TRPM3: variants seen among roughly 807,000 people sequenced by gnomAD.
TRPM3 encodes the protein long transient receptor potential channel 3.
In TRPM3, 77 loss-of-function variants were observed where a neutral mutation model predicts 181.2. The ratio of observed to expected loss-of-function variants is 0.42; its 90% CI spans 0.35 to 0.51. The LOEUF is 0.51. Among genes scored for constraint, TRPM3 ranks in the 20% least tolerant of loss-of-function variants. TRPM3 has a pLI of 0.01. For missense variants in TRPM3, 1,759 were observed against 2,196.7 expected (o/e 0.80, Z 3.98); for synonymous variants, 745 against 796.4 (o/e 0.94, Z 1.09).
In TRPM3 at chr9:70,758,445, A is replaced by G. The variant is rs148726093; in HGVS notation, c.1272+3156T>C. 2.7e-3 allele frequency among the ~76,000 whole-genome samples: 411 copies of G among 152,340 alleles called. 1 individual carries two copies. Among genetic ancestry groups the G allele is most frequent in the African/African-American group, 9.3e-3 (388 of 41,586 alleles). On this transcript the variant is annotated intron_variant, in intron 8 of 25. Transcript: ENST00000677713. ...GATTTAATGCTATCCCCATCAAGCT[A>G]CCATTGACTTTCTTCACAGAATTAG...
chr9:71,390,064 C>T (rs141602598), intron 1 of TRPM3, among the ~76,000 whole-genome samples: 1,851 of 152,160 alleles, frequency 0.012, 21 homozygotes, highest in Middle Eastern at 0.061. Flanking sequence ...CAGTTATCTA[C>T]ATTCTCCAGA....
chr9:70,831,977 A>ATTTT (rs1414380227), intron 5 of TRPM3, among the ~76,000 whole-genome samples: 1 of 70,738 alleles, frequency 1.4e-5, no homozygotes, highest in Non-Finnish European at 3.1e-5. Context: ...ATATATATAT[A>ATTTT]TATATATATA....
chr9:70,567,238 C>A (rs2050844998), intron 22 of TRPM3, among the ~76,000 whole-genome samples: 1 of 152,218 alleles, frequency 6.6e-6, no homozygotes, highest in African/African-American at 2.4e-5. Flanking sequence ...GACAGTTTCA[C>A]TCAACAATGA....
chr9:70,841,719 CATAT>C (rs142313712), intron 5 of TRPM3, among the ~76,000 whole-genome samples: 2 of 133,760 alleles, frequency 1.5e-5, no homozygotes, highest in Non-Finnish European at 1.6e-5. Context: ...TATCTCCCAC[CATAT>C]ATATATATAT....
chr9:71,251,365 C>T (rs1217264714), intron 1 of TRPM3, among the ~76,000 whole-genome samples: 1 of 152,154 alleles, frequency 6.6e-6, no homozygotes, highest in Non-Finnish European at 1.5e-5. Flanking sequence ...TAACTTTGTT[C>T]TGAGTTCATC....
chr9:71,171,874 T>C (rs1296191798), intron 1 of TRPM3, among the ~76,000 whole-genome samples: 1 of 148,048 alleles, frequency 6.8e-6, no homozygotes, highest in Non-Finnish European at 1.5e-5. Context: ...TATTATTTAT[T>C]TTGGAGGGGG....
intron 1 of TRPM3, among the ~76,000 whole-genome samples, chr9:71,269,700 C>T (rs539660769): frequency 6.6e-6 from 1 of 152,270 alleles, no homozygotes; most frequent in South Asian, 2.1e-4. Flanking sequence ...AGGGAAAACA[C>T]CTCAGCAGGA....
At chr9:71,185,259 A>G (rs1056038445) in intron 1 of TRPM3, among the ~76,000 whole-genome samples, 20 of 152,278 alleles carry the variant, frequency 1.3e-4, no homozygotes, top group East Asian at 1.9e-4. Context: ...AATCCTGCAT[A>G]TAAAACTAAG....
Position 70,700,757 on chromosome 9 carries a change from A to G in TRPM3, c.1273-19179T>C, listed in dbSNP as rs1027848985. Among the ~76,000 whole-genome samples the G allele has an allele frequency of 3.3e-5, 5 of 152,210 alleles. 1 individual carries two copies. In the South Asian group the frequency reaches 1.0e-3, roughly 31 times the overall value. ...GAAACTGGAGAGAAGTTTTATCCAC[A>G]TCCACTTGCCTATCATAGCAATAAG... On this transcript the variant is annotated intron_variant, in intron 8 of 25. Transcript: ENST00000677713.
At chr9:70,949,891 T>C (rs1000496849) in intron 1 of TRPM3, among the ~76,000 whole-genome samples, 6 of 152,172 alleles carry the variant, frequency 3.9e-5, no homozygotes, top group African/African-American at 7.2e-5. Context: ...TGGGATTCAC[T>C]GCCTGGACAA....
chr9:71,226,330 T>C (rs891484489), intron 1 of TRPM3, among the ~76,000 whole-genome samples: 5 of 152,050 alleles, frequency 3.3e-5, no homozygotes, highest in African/African-American at 1.2e-4. Context: ...AAGTCTCTAT[T>C]CATCAATAAT....
chr9:71,011,786 TTTTG>T (rs2097744816), intron 1 of TRPM3, among the ~76,000 whole-genome samples: 1 of 134,538 alleles, frequency 7.4e-6, no homozygotes, highest in Non-Finnish European at 1.6e-5. Flanking sequence ...TTTTTTGTTT[TTTTG>T]TTTTTTTTCA....
At chr9:71,146,905 A>G (rs142672862) in intron 1 of TRPM3, among the ~76,000 whole-genome samples, 1 of 152,304 alleles carries the variant, frequency 6.6e-6, no homozygotes, top group East Asian at 1.9e-4. Context: ...TTTCCTTTCT[A>G]AATCTATAGG....
intron 1 of TRPM3, among the ~76,000 whole-genome samples, chr9:71,369,271 G>T (rs1437772939): frequency 6.6e-6 from 1 of 152,012 alleles, no homozygotes; most frequent in Non-Finnish European, 1.5e-5. Flanking sequence ...AGAAAAAAGA[G>T]GGAAAATACT....
intron 1 of TRPM3, among the ~76,000 whole-genome samples, chr9:70,970,807 C>T (rs571535202): frequency 3.9e-5 from 6 of 152,230 alleles, no homozygotes; most frequent in Admixed American, 6.5e-5. Context: ...CATTTTCATC[C>T]TCATTAACCT....
intron 6 of TRPM3, among the ~76,000 whole-genome samples, chr9:70,803,153 A>G (rs775484739): frequency 1.6e-4 from 25 of 151,602 alleles, no homozygotes; most frequent in Non-Finnish European, 3.2e-4. Context: ...GATGCGGAAG[A>G]AATGATCTGA....
At chr9:70,993,793 AAAAAAAAAAAAAGAAAG>A (rs1416915715) in intron 1 of TRPM3, among the ~76,000 whole-genome samples, 1 of 127,326 alleles carries the variant, frequency 7.9e-6, no homozygotes, top group Admixed American at 9.4e-5. Flanking sequence ...TCAAAAAAAA[AAAAAAAAAAAAAGAAAG>A]AAAGAAAGAA....
chr9:71,307,553 T>C (rs2087473418), intron 1 of TRPM3, among the ~76,000 whole-genome samples: 2 of 152,210 alleles, frequency 1.3e-5, no homozygotes, highest in South Asian at 4.1e-4. Flanking sequence ...TTATTTTTGA[T>C]AGTCTGCTTC....
At chr9:71,427,850 A>G (rs1037685421) in intron 1 of TRPM3, among the ~76,000 whole-genome samples, 2 of 152,146 alleles carry the variant, frequency 1.3e-5, no homozygotes, top group Non-Finnish European at 2.9e-5. Flanking sequence ...CTGAACTCTC[A>G]ACCTCAGCAT....
Sources: gnomAD v4.1 joint callset for allele counts (sites outside exome capture counted in the v4.1 genomes callset) on GRCh38, gnomAD v4.1.1 for gene constraint, MANE v1.5 for transcripts, NCBI Gene and HGNC (gene_info 2026-07-23, HGNC 2026-07-21) for gene names.